PAPSS2: variants seen among roughly 807,000 people sequenced by gnomAD.
PAPSS2 encodes 3'-phosphoadenosine 5'-phosphosulfate synthase 2.
A neutral mutation model predicts 66.5 loss-of-function variants in PAPSS2; 61 were observed. That is an observed-to-expected ratio of 0.92 (90% CI 0.75 to 1.14). The LOEUF (loss-of-function observed/expected upper bound fraction) is 1.14, where lower values mean the gene tolerates loss of function less well. Among genes scored for constraint, PAPSS2 ranks in the 50% most tolerant of loss-of-function variants. The pLI is 0.00. For synonymous variants in PAPSS2, 289 were observed against 287.5 expected (o/e 1.01, Z -0.05); for missense variants, 708 against 789.6 (o/e 0.90, Z 1.24).
intron 1 of PAPSS2, among the ~76,000 whole-genome samples, chr10:87,666,890 C>T (rs187898215): frequency 2.6e-4 from 40 of 152,200 alleles, no homozygotes; most frequent in Admixed American, 7.8e-4. Flanking sequence ...CCCTCTTTTC[C>T]TCTGAGATCA....
chr10:87,677,728 G>C (rs949641744), intron 1 of PAPSS2, among the ~76,000 whole-genome samples: 1 of 152,144 alleles, frequency 6.6e-6, no homozygotes, highest in African/African-American at 2.4e-5. Flanking sequence ...GTTATAACTG[G>C]AAAGCTACCC....
At chr10:87,702,843 G>A (rs1274501311) in intron 1 of PAPSS2, among the ~76,000 whole-genome samples, 1 of 152,072 alleles carries the variant, frequency 6.6e-6, no homozygotes, top group East Asian at 1.9e-4. Context: ...CTCCTCCCTG[G>A]GACACATGCT....
intron 7 of PAPSS2, among the ~76,000 whole-genome samples, chr10:87,718,014 T>C (rs1277330596): frequency 6.6e-6 from 1 of 152,146 alleles, no homozygotes; most frequent in Non-Finnish European, 1.5e-5. Flanking sequence ...TTGCAAAACC[T>C]GTTGATTTTC....
chr10:87,745,923 G>C lies in PAPSS2; in HGVS notation c.1813G>C (p.Ala605Pro). Residue 605 changes from alanine to proline, a missense_variant, in exon 13 of 13, where the codon GCA (alanine) becomes CCA (proline). Physicochemically the swap from Ala to Pro is conservative, Grantham distance 27. Coordinates refer to ENST00000456849, the MANE Select transcript of PAPSS2 (RefSeq NM_001015880.2). Reference sequence around the variant, plus strand: ...CCCAGATGGCTTCATGGCCCCCAAAGCATGGAAGGTCCTGACAGATTATTA... The same window carrying C: ...CCCAGATGGCTTCATGGCCCCCAAACCATGGAAGGTCCTGACAGATTATTA... ...NPPDGFMAPKAWKVLTDYYRS... is the reference protein window; with the variant it reads ...NPPDGFMAPKPWKVLTDYYRS... 1.9e-6 allele frequency: 3 copies of C among 1,614,060 alleles called. No homozygotes were observed. Among genetic ancestry groups the C allele is most frequent in the Non-Finnish European group, 2.5e-6 (3 of 1,179,954 alleles).
At chr10:87,688,835 ACTCT>A (rs1207756431) in intron 1 of PAPSS2, among the ~76,000 whole-genome samples, 3 of 151,554 alleles carry the variant, frequency 2.0e-5, no homozygotes, top group Non-Finnish European at 4.4e-5. Context: ...GACCAAAATA[ACTCT>A]CTCTTTTTCT....
At chr10:87,690,251 G>A (rs183068466) in intron 1 of PAPSS2, among the ~76,000 whole-genome samples, 3 of 152,282 alleles carry the variant, frequency 2.0e-5, no homozygotes, top group East Asian at 3.9e-4. Flanking sequence ...TTATGCAAGG[G>A]TAAAATGAAT....
intron 9 of PAPSS2, among the ~76,000 whole-genome samples, chr10:87,740,637 T>C (rs927172657): frequency 6.6e-6 from 1 of 152,234 alleles, no homozygotes; most frequent in African/African-American, 2.4e-5. Flanking sequence ...TGTTGAGTTT[T>C]GGTGTAGTAT....
chr10:87,732,633 C>G (rs573129969), intron 9 of PAPSS2, among the ~76,000 whole-genome samples: 10 of 152,176 alleles, frequency 6.6e-5, no homozygotes, highest in Non-Finnish European at 5.9e-5. Context: ...ACTGGGAAAC[C>G]AAAAAATTTG....
chr10:87,660,022 C>A lies in PAPSS2; in HGVS notation c.27+14C>A, dbSNP rs368566187. On this transcript the variant is annotated intron_variant, in intron 1 of 12. Transcript: ENST00000456849. The stretch of plus-strand genomic sequence containing the variant: ...AAGCAAAAGACGGTAGGCTTCCAGG[C>A]GCCGGCTTCCCTCCCCGCCACCGCA... 46 of 1,610,412 alleles carry A rather than the reference C, an allele frequency of 2.9e-5. No individual in the cohort carries two copies. In the African/African-American group the frequency reaches 5.3e-4, roughly 19 times the overall value.
intron 9 of PAPSS2, among the ~76,000 whole-genome samples, chr10:87,737,507 A>ATTTCCATTT (rs1429371105): frequency 6.6e-6 from 1 of 152,174 alleles, no homozygotes; most frequent in East Asian, 1.9e-4. Flanking sequence ...ATCTTGCAAA[A>ATTTCCATTT]TGGAAACTCT....
rs1167112172 is a variant in PAPSS2, at chr10:87,745,028, G to C, written c.1518G>C (p.Met506Ile). ...TEVQWHCRSR[M>I]IAGANFYIVG... ...TCCAGTGGCACTGCAGGTCCCGGAT[G>C]ATTGCGGGTGCCAATTTCTACATTG... The change falls in exon 12 of 13, where the codon ATG (methionine) becomes ATC (isoleucine). Residue 506 changes from methionine (M) to isoleucine (I), a missense_variant. Transcript: ENST00000456849. 1 of 1,614,154 alleles carries C rather than the reference G, an allele frequency of 6.2e-7. No homozygotes were observed. The highest frequency in any genetic ancestry group is 2.2e-5 in the East Asian group (1 of 44,858).
At chr10:87,739,639 C>T (rs905203228) in intron 9 of PAPSS2, among the ~76,000 whole-genome samples, 2 of 152,176 alleles carry the variant, frequency 1.3e-5, no homozygotes, top group Admixed American at 1.3e-4. Context: ...TAGAGAATCC[C>T]CAAGTTCAAA....
At position 87,700,058 on chromosome 10, in the gene PAPSS2, C is replaced by T. The variant is rs138873604; in HGVS notation, c.28-9138C>T. The stretch of plus-strand genomic sequence containing the variant: ...ATACATATAAATACATATATTTTAA[C>T]GAGATTAATGTTAACTCACTCTGTA... On this transcript the variant is annotated intron_variant, in intron 1 of 12. Transcript: ENST00000456849. Among the ~76,000 whole-genome samples, 330 of 152,034 alleles carry T rather than the reference C, an allele frequency of 2.2e-3. 3 individuals carry two copies. Among genetic ancestry groups the T allele is most frequent in the East Asian group, 0.012 (61 of 5,170 alleles).
chr10:87,720,889 AG>A, intron 7 of PAPSS2, among the ~76,000 whole-genome samples: 1 of 152,358 alleles, frequency 6.6e-6, no homozygotes, highest in East Asian at 1.9e-4. Context: ...GTATAGTTCC[AG>A]GGTTGTCACA....
chr10:87,746,405 C>CCA lies in PAPSS2; in HGVS notation c.*435_*436insCA, dbSNP rs5786791. ...ATTGTGTCCTCTTCTGTACAATTGA[C>CCA]AAAAAAAAAAATTTTTTTTTCTCAC... On this transcript the variant is annotated 3_prime_UTR_variant, in exon 13 of 13. Coordinates refer to ENST00000456849, the MANE Select transcript of PAPSS2 (RefSeq NM_001015880.2). 0.29 allele frequency: 44,043 copies of CCA among 150,102 alleles called. 6,576 individuals carry two copies. The highest frequency in any genetic ancestry group is 0.31 in the Middle Eastern group (91 of 292). 9.3% of individuals were successfully genotyped at this position (150,102 alleles called of 1,614,324 possible).
chr10:87,696,659 A>G (rs1288372543), intron 1 of PAPSS2, among the ~76,000 whole-genome samples: 1 of 152,352 alleles, frequency 6.6e-6, no homozygotes, highest in East Asian at 1.9e-4. Context: ...TATAACTCCA[A>G]GCAATTTTAA....
At chr10:87,693,142 G>C (rs1853191580) in intron 1 of PAPSS2, among the ~76,000 whole-genome samples, 1 of 152,168 alleles carries the variant, frequency 6.6e-6, no homozygotes, top group African/African-American at 2.4e-5. Context: ...GTCCACTTTT[G>C]ATGACTGGGT....
intron 8 of PAPSS2, among the ~76,000 whole-genome samples, chr10:87,724,679 A>ATTT (rs1853636777): frequency 7.1e-6 from 1 of 140,182 alleles, no homozygotes; most frequent in Admixed American, 7.2e-5. Context: ...ATTTATTATT[A>ATTT]TGGAGCCTTA....
At chr10:87,706,084 G>GTATATATATATATATATA (rs532950801) in intron 1 of PAPSS2, among the ~76,000 whole-genome samples, 128 of 60,002 alleles carry the variant, frequency 2.1e-3, no homozygotes, top group East Asian at 3.9e-3. Flanking sequence ...TCTTCACATG[G>GTATATATATATATATATA]TATATATATA....
Sources: gnomAD v4.1 joint callset for allele counts (sites outside exome capture counted in the v4.1 genomes callset) on GRCh38, gnomAD v4.1.1 for gene constraint, MANE v1.5 for transcripts, NCBI Gene and HGNC (gene_info 2026-07-23, HGNC 2026-07-21) for gene names.